The following SGCD variants were observed in gnomAD, a reference collection of about 807,000 sequenced individuals.
SGCD encodes delta-sarcoglycan.
A neutral mutation model predicts 36.6 loss-of-function variants in SGCD; 18 were observed. That is an observed-to-expected ratio of 0.49 (90% CI 0.34 to 0.73). SGCD has a LOEUF of 0.73. Among genes scored for constraint, SGCD ranks in the 30% least tolerant of loss-of-function variants. The pLI is 0.01. For missense variants in SGCD, 387 were observed against 346.7 expected, an observed-to-expected ratio of 1.12 and a Z score of -0.92; for synonymous variants, 133 against 130.6, an observed-to-expected ratio of 1.02 and a Z score of -0.12.
At chr5:155,947,828 GGA>G (rs1037003828) in intron 1 of SGCD, among the ~76,000 whole-genome samples, 2 of 152,078 alleles carry the variant, frequency 1.3e-5, no homozygotes, top group South Asian at 2.1e-4. Flanking sequence ...AAGAGATACT[GGA>G]GAGAGAGAGA....
rs748128076 is a variant in SGCD at position 156,055,991 on chromosome 5, A to C, written c.-281-61887A>C. ...GAATTATATATATATTTAAAGCTAA[A>C]GGAAAATTTTAAAAAGTCACCTAGT... On this transcript the variant is annotated intron_variant, in intron 1 of 9. Transcript: ENST00000517913. Among the ~76,000 whole-genome samples the C allele has an allele frequency of 5.5e-5, 8 of 146,526 alleles. 2 individuals are homozygous for C. Among genetic ancestry groups the C allele is most frequent in the Non-Finnish European group, 1.2e-4 (8 of 64,970 alleles).
At chr5:156,410,121 G>A (rs1772660948) in intron 3 of SGCD, among the ~76,000 whole-genome samples, 1 of 152,070 alleles carries the variant, frequency 6.6e-6, no homozygotes, top group Non-Finnish European at 1.5e-5. Context: ...ATTCACAATT[G>A]CTAAGACATG....
intron 3 of SGCD, among the ~76,000 whole-genome samples, chr5:156,465,592 G>T (rs561367828): frequency 6.6e-6 from 1 of 152,076 alleles, no homozygotes; most frequent in African/African-American, 2.4e-5. Context: ...CCTGGAGGCC[G>T]CCTCCAAGAG....
chr5:155,792,433 C>CAAA, the SGCD span, among the ~76,000 whole-genome samples: 565 of 92,280 alleles, frequency 6.1e-3, 4 homozygotes, highest in Middle Eastern at 0.01. Flanking sequence ...TTCTACATAG[C>CAAA]AAAAAAAAAA....
chr5:156,245,685 T>G (rs1390142942), intron 3 of SGCD, among the ~76,000 whole-genome samples: 1 of 151,964 alleles, frequency 6.6e-6, no homozygotes, highest in Non-Finnish European at 1.5e-5. Flanking sequence ...AGGGGATAAA[T>G]GAGCCCATTA....
At chr5:156,468,341 CAAAA>C (rs60364292) in intron 3 of SGCD, among the ~76,000 whole-genome samples, 1,672 of 110,926 alleles carry the variant, frequency 0.015, 11 homozygotes, top group Admixed American at 0.024. Context: ...GACCTTGTCT[CAAAA>C]AAAAAAAAAA....
chr5:156,585,610 G>A (rs979208556), intron 4 of SGCD, among the ~76,000 whole-genome samples: 1 of 152,322 alleles, frequency 6.6e-6, no homozygotes, highest in East Asian at 1.9e-4. Flanking sequence ...CTTGTGCAGA[G>A]AGAGCCCTGG....
chr5:156,199,323 C>G (rs1278828562), intron 3 of SGCD, among the ~76,000 whole-genome samples: 1 of 152,030 alleles, frequency 6.6e-6, no homozygotes, highest in East Asian at 1.9e-4. Context: ...GCTATTGGCC[C>G]CAAATCAGGC....
chr5:156,318,710 C>T (rs763212578), intron 3 of SGCD, among the ~76,000 whole-genome samples: 27 of 151,938 alleles, frequency 1.8e-4, no homozygotes, highest in Non-Finnish European at 3.5e-4. Context: ...ATTCTCCTGC[C>T]TCAGCATCCT....
At chr5:156,085,592 C>T (rs1462830356) in intron 1 of SGCD, among the ~76,000 whole-genome samples, 8 of 152,154 alleles carry the variant, frequency 5.3e-5, no homozygotes, top group African/African-American at 1.9e-4. Context: ...TACCCAGTTT[C>T]AGGTATCTCT....
At chr5:156,077,569 T>C (rs78890533) in intron 1 of SGCD, among the ~76,000 whole-genome samples, 9,969 of 152,224 alleles carry the variant, frequency 0.065, 1,040 homozygotes, top group African/African-American at 0.22. Context: ...TTCTCTGTTG[T>C]GGAGTTTTCA....
At chr5:156,732,734 G>A (rs1194217426) in intron 7 of SGCD, among the ~76,000 whole-genome samples, 1 of 152,076 alleles carries the variant, frequency 6.6e-6, no homozygotes. Context: ...GCTCTTTTTG[G>A]TTGGTAGGCT....
At chr5:155,946,973 A>G (rs953816556) in intron 1 of SGCD, among the ~76,000 whole-genome samples, 1 of 152,232 alleles carries the variant, frequency 6.6e-6, no homozygotes, top group Non-Finnish European at 1.5e-5. Flanking sequence ...AGGAAAGATC[A>G]CAAGAGCAGC....
rs1292054918 is a variant in SGCD, at chr5:156,589,308, G to A, written c.372G>A (p.Gln124=). The change falls in exon 5 of 9, where the codon CAG becomes CAA. Residue 124 remains glutamine, a synonymous_variant. Coordinates refer to ENST00000337851, the MANE Select transcript of SGCD (RefSeq NM_000337.6). ...ATGACCAGACTAAAGTGCTAACTCAGCTTATAACAGGTAAGAAAAGGGAGA... is the reference window on the plus strand; with the variant it reads ...ATGACCAGACTAAAGTGCTAACTCAACTTATAACAGGTAAGAAAAGGGAGA... ...ILNDQTKVLT[Q]LITGPKAVEA... is the part of the protein sequence containing the mutation. 2.6e-6 allele frequency: 4 copies of A among 1,563,186 alleles called. No individual in the cohort carries two copies. In the Admixed American group the frequency reaches 7.6e-5, roughly 30 times the overall value.
intron 2 of SGCD, among the ~76,000 whole-genome samples, chr5:156,343,551 GT>G (rs1466871681): frequency 6.6e-6 from 1 of 152,104 alleles, no homozygotes; most frequent in Non-Finnish European, 1.5e-5. Context: ...ATTTGTTTTG[GT>G]TTTAGAATTG....
At chr5:156,395,397 C>T (rs1444632781) in intron 3 of SGCD, among the ~76,000 whole-genome samples, 1 of 152,148 alleles carries the variant, frequency 6.6e-6, no homozygotes, top group Non-Finnish European at 1.5e-5. Flanking sequence ...ACGTCCTGGC[C>T]ATTTTAGGCC....
chr5:156,241,251 CGTGTGTGTGTGTGT>C (rs60843726), intron 3 of SGCD, among the ~76,000 whole-genome samples: 16 of 145,180 alleles, frequency 1.1e-4, no homozygotes, highest in African/African-American at 3.8e-4. Flanking sequence ...TAGACCAAAA[CGTGTGTGTGTGTGT>C]GTGTGTGTGT....
At position 156,745,684 on chromosome 5, in the gene SGCD, A is replaced by C. The variant is rs76215238; in HGVS notation, c.576-11897A>C. ...AAGTATGTTTACTATGCATAAAAAA[A>C]CACAGGAATAAATTAACAGAGTAAA... is the stretch of plus-strand genomic sequence containing the variant. On this transcript the variant is annotated intron_variant, in intron 7 of 8. Coordinates refer to ENST00000337851, the MANE Select transcript of SGCD (RefSeq NM_000337.6). 4.2e-3 allele frequency among the ~76,000 whole-genome samples: 646 copies of C among 152,316 alleles called. 4 individuals carry two copies. The highest frequency in any genetic ancestry group is 0.014 in the African/African-American group (589 of 41,552).
chr5:156,367,972 AT>A, intron 3 of SGCD, among the ~76,000 whole-genome samples: 1 of 152,038 alleles, frequency 6.6e-6, no homozygotes, highest in Non-Finnish European at 1.5e-5. Context: ...TTTTCAATAT[AT>A]TTTTTAATTG....
Sources: allele counts gnomAD v4.1 joint callset (sites outside exome capture counted in the v4.1 genomes callset), GRCh38; gene constraint gnomAD v4.1.1; transcripts MANE v1.5; gene names NCBI Gene and HGNC (gene_info 2026-07-23, HGNC 2026-07-21).